The following TMEM156 variants were observed in gnomAD, a reference collection of about 807,000 sequenced individuals.
TMEM156 encodes transmembrane protein 156.
In TMEM156, 28 loss-of-function variants were observed where a neutral mutation model predicts 30.5. That is an observed-to-expected ratio of 0.92 (90% CI 0.68 to 1.26). The LOEUF is 1.26. Ranked by LOEUF, TMEM156 falls within the 50% of genes most tolerant of loss-of-function variation. The pLI, the probability that TMEM156 is intolerant of heterozygous loss-of-function variation, is 0.00. For missense variants in TMEM156, 351 were observed against 340.6 expected (o/e 1.03, Z -0.24); for synonymous variants, 137 against 119.9 (o/e 1.14, Z -0.93).
At chr4:38,986,591 G>A (rs545620573) in intron 4 of TMEM156, among the ~76,000 whole-genome samples, 172 bp from the exon 5 acceptor site, 5 of 151,906 alleles carry the variant, frequency 3.3e-5, no homozygotes, top group East Asian at 1.9e-4. Context: ...GGGAGATCAC[G>A]AAGTCAGGAG....
chr4:39,006,020 T>C lies in TMEM156; in HGVS notation c.89-7111A>G, dbSNP rs935073393. Among the ~76,000 whole-genome samples, 6 of 152,108 alleles carry C rather than the reference T, an allele frequency of 3.9e-5. No homozygotes were observed. The South Asian group carries it at 1.2e-3, about 32-fold the overall frequency. ...AAGCGATTCTCCTGCCTCAGCCTCC[T>C]GAGTAGCTGGGATTACAGGCATCTG... On this transcript the variant is annotated intron_variant, in intron 1 of 6. Transcript: ENST00000381938.
At chr4:38,992,707 A>ATAT (rs1712579315) in intron 3 of TMEM156, among the ~76,000 whole-genome samples, 1 of 87,694 alleles carries the variant, frequency 1.1e-5, no homozygotes, top group African/African-American at 5.2e-5. Flanking sequence ...TATAATATAT[A>ATAT]TATATTATAT....
At chr4:39,028,445 G>A (rs1018872000) in intron 1 of TMEM156, 1 of 152,188 alleles carries the variant, frequency 6.6e-6, no homozygotes, top group East Asian at 1.9e-4. Flanking sequence ...AAAGACTGAC[G>A]TGGAAGCAAT....
At chr4:39,020,182 C>T (rs545538445) in intron 1 of TMEM156, among the ~76,000 whole-genome samples, 2 of 152,316 alleles carry the variant, frequency 1.3e-5, no homozygotes, top group South Asian at 2.1e-4. Flanking sequence ...ATATGTACCA[C>T]GTTTTCTTTA....
At chr4:39,002,220 G>C (rs532488559) in intron 1 of TMEM156, among the ~76,000 whole-genome samples, 1 of 150,808 alleles carries the variant, frequency 6.6e-6, no homozygotes, top group Admixed American at 6.6e-5. Flanking sequence ...AAAAGTGGGC[G>C]AAGGACATGA....
chr4:39,027,914 G>T (rs1375323731), intron 1 of TMEM156, among the ~76,000 whole-genome samples: 1 of 151,998 alleles, frequency 6.6e-6, no homozygotes, highest in Non-Finnish European at 1.5e-5. Context: ...GCACTGCCAT[G>T]CCCGGCTAAT....
intron 5 of TMEM156, among the ~76,000 whole-genome samples, chr4:38,985,170 C>T (rs1711890901): frequency 6.6e-6 from 1 of 152,180 alleles, no homozygotes; most frequent in South Asian, 2.1e-4. Context: ...GGAAAAATGC[C>T]ATTTTTGCCT....
chr4:39,002,649 G>C (rs1458678380), intron 1 of TMEM156, among the ~76,000 whole-genome samples: 1 of 149,172 alleles, frequency 6.7e-6, no homozygotes, highest in Non-Finnish European at 1.5e-5. Context: ...GCCCAACAAT[G>C]ATAGACTGGA....
intron 1 of TMEM156, among the ~76,000 whole-genome samples, chr4:39,016,062 C>T (rs1215592176): frequency 6.6e-6 from 1 of 152,110 alleles, no homozygotes; most frequent in African/African-American, 2.4e-5. Context: ...AGTGGTTTAT[C>T]CATACAAATA....
intron 5 of TMEM156, among the ~76,000 whole-genome samples, chr4:38,979,947 A>G (rs1029072230): frequency 1.3e-5 from 2 of 152,208 alleles, no homozygotes; most frequent in Non-Finnish European, 2.9e-5. Flanking sequence ...TTCATCACAT[A>G]AAAACGTTGG....
At chr4:38,967,882 T>C (rs1334484354) in intron 6 of TMEM156, among the ~76,000 whole-genome samples, 2 of 152,252 alleles carry the variant, frequency 1.3e-5, no homozygotes, top group African/African-American at 2.4e-5. Context: ...ATGACTTCTT[T>C]TCCTTTGGGT....
At chr4:39,032,125 A>T in intron 1 of TMEM156, 101 bp downstream of exon 1, 1 of 719,008 alleles carries the variant, frequency 1.4e-6, no homozygotes, top group Non-Finnish European at 2.4e-6. Context: ...ACTTCAGCCT[A>T]TGCAGCATGT....
chr4:38,978,601 A>G (rs1330066207), intron 5 of TMEM156, among the ~76,000 whole-genome samples: 2 of 152,210 alleles, frequency 1.3e-5, no homozygotes, highest in Non-Finnish European at 2.9e-5. Context: ...TAACAAAAAT[A>G]AAATGGTCCT....
At chr4:38,977,306 A>T (rs1722904533) in intron 5 of TMEM156, among the ~76,000 whole-genome samples, 1 of 152,148 alleles carries the variant, frequency 6.6e-6, no homozygotes, top group Non-Finnish European at 1.5e-5. Flanking sequence ...GAAAAGCCAA[A>T]CCGCTGGTTT....
intron 5 of TMEM156, among the ~76,000 whole-genome samples, chr4:38,980,681 AG>A (rs1005521665): frequency 6.6e-6 from 1 of 152,216 alleles, no homozygotes; most frequent in African/African-American, 2.4e-5. Context: ...TGTAATAAGG[AG>A]AATCGACCTA....
intron 5 of TMEM156, among the ~76,000 whole-genome samples, chr4:38,978,843 C>T (rs1417200839): frequency 2.0e-5 from 3 of 152,174 alleles, no homozygotes; most frequent in South Asian, 4.1e-4. Flanking sequence ...AGTGCAGAGG[C>T]ACAATCACAT....
chr4:39,027,762 T>TTC lies in TMEM156; in HGVS notation c.88+4463_88+4464insGA, dbSNP rs1391407723. Among the ~76,000 whole-genome samples, 12 of 99,270 alleles carry TTC rather than the reference T, an allele frequency of 1.2e-4. 1 individual carries two copies. The highest frequency in any genetic ancestry group is 4.3e-4 in the African/African-American group (8 of 18,472). The allele number at this position is 99,270 out of a possible 152,430, so 65.1% of individuals were successfully genotyped here. A position where few individuals can be genotyped will look rare whatever the true frequency, so the allele number is the denominator to read the frequency against. ...CTTTCTGTCTTTTTTCTTTTTCTTT[T>TTC]TTTTTTTTTTTTGAGAAGAAGTCTC... On this transcript the variant is annotated intron_variant, in intron 1 of 6. Transcript: ENST00000381938.
At chr4:38,977,013 C>T (rs1722888116) in intron 5 of TMEM156, among the ~76,000 whole-genome samples, 1 of 152,202 alleles carries the variant, frequency 6.6e-6, no homozygotes, top group Non-Finnish European at 1.5e-5. Context: ...TCAAGCAATT[C>T]TCCTGCTTCA....
intron 1 of TMEM156, 64 bp downstream of exon 1, chr4:39,032,162 C>A: frequency 1.0e-6 from 1 of 1,003,268 alleles, no homozygotes; most frequent in South Asian, 1.4e-5. Context: ...TTTTCTGTAA[C>A]CACTAGCTGA....
Sources: gnomAD v4.1 joint callset for allele counts (sites outside exome capture counted in the v4.1 genomes callset) on GRCh38, gnomAD v4.1.1 for gene constraint, MANE v1.5 for transcripts, NCBI Gene and HGNC (gene_info 2026-07-23, HGNC 2026-07-21) for gene names.